CERS6: variants seen among roughly 807,000 people sequenced by gnomAD.
CERS6 encodes LAG1 homolog, ceramide synthase 6.
Under a neutral mutation model 56.8 loss-of-function variants are expected in CERS6, and 26 were observed. The observed-to-expected ratio is 0.46, with a 90% CI of 0.34 to 0.63. The LOEUF is 0.63. Ranked by LOEUF, CERS6 falls within the 30% of genes least tolerant of loss-of-function variation. The pLI is 0.01. For synonymous variants in CERS6, 164 were observed against 173.3 expected (o/e 0.95, Z 0.42); for missense variants, 415 against 467.5 (o/e 0.89, Z 1.04).
intron 4 of CERS6, among the ~76,000 whole-genome samples, chr2:168,655,947 A>G (rs1435821161): frequency 6.6e-6 from 1 of 152,254 alleles, no homozygotes; most frequent in Non-Finnish European, 1.5e-5. Context: ...TTTACTGTCT[A>G]TATGTATCCC....
chr2:168,499,775 G>A (rs16855397), intron 1 of CERS6, among the ~76,000 whole-genome samples: 2,935 of 152,212 alleles, frequency 0.019, 69 homozygotes, highest in African/African-American at 0.051. Flanking sequence ...TCCTAGGGTG[G>A]CCAATAGATT....
At chr2:168,548,199 A>G (rs1695501887) in intron 2 of CERS6, among the ~76,000 whole-genome samples, 2 of 152,228 alleles carry the variant, frequency 1.3e-5, no homozygotes, top group Admixed American at 1.3e-4. Flanking sequence ...CCATGAAGTT[A>G]TGAAGAAGGA....
intron 7 of CERS6, among the ~76,000 whole-genome samples, chr2:168,715,658 A>G (rs879100639): frequency 6.6e-6 from 1 of 152,150 alleles, no homozygotes; most frequent in African/African-American, 2.4e-5. Context: ...TATTGGTTAC[A>G]TATGAATTGG....
chr2:168,463,543 T>C (rs548232840), intron 1 of CERS6, among the ~76,000 whole-genome samples: 1 of 152,314 alleles, frequency 6.6e-6, no homozygotes, highest in South Asian at 2.1e-4. Context: ...GGATACAAAT[T>C]GCCAAATTGT....
At chr2:168,755,070 CA>C (rs1421163357) in intron 8 of CERS6, among the ~76,000 whole-genome samples, 3 of 152,212 alleles carry the variant, frequency 2.0e-5, no homozygotes, top group Non-Finnish European at 4.4e-5. Flanking sequence ...ATGCCCAGCC[CA>C]TGTTCTCTGT....
chr2:168,582,976 T>C (rs1382388045), intron 3 of CERS6: 1 of 154,244 alleles, frequency 6.5e-6, no homozygotes, highest in Non-Finnish European at 1.5e-5. Context: ...AGGTAATAAC[T>C]GACAAACAGA....
chr2:168,753,811 C>A (rs1263633910), intron 8 of CERS6, among the ~76,000 whole-genome samples: 1 of 152,154 alleles, frequency 6.6e-6, no homozygotes, highest in Non-Finnish European at 1.5e-5. Context: ...AGAATCTATA[C>A]ATGTTTAGAA....
At chr2:168,698,445 T>C (rs192057280) in intron 6 of CERS6, among the ~76,000 whole-genome samples, 1 of 152,122 alleles carries the variant, frequency 6.6e-6, no homozygotes, top group African/African-American at 2.4e-5. Context: ...AGGCATGTCT[T>C]ACATGGTGGA....
At position 168,615,153 on chromosome 2, in the gene CERS6, C is replaced by T. The variant is rs1427482571; in HGVS notation, c.408-15832C>T. On this transcript the variant is annotated intron_variant, in intron 3 of 9. Coordinates refer to ENST00000305747, the MANE Select transcript of CERS6 (RefSeq NM_203463.3). ...CAACTTGGCTCTCAGGAAGCCACAT[C>T]CCTAGGAAAAGAGGGAGAGTACTAC... 2.0e-5 allele frequency among the ~76,000 whole-genome samples: 3 copies of T among 152,212 alleles called. No homozygotes were observed. The East Asian group carries it at 5.8e-4, about 29-fold the overall frequency.
At chr2:168,572,999 C>T (rs145466090) in intron 3 of CERS6, among the ~76,000 whole-genome samples, 226 of 152,092 alleles carry the variant, frequency 1.5e-3, no homozygotes, top group African/African-American at 4.9e-3. Flanking sequence ...TCAAATGGTC[C>T]TAGGGAAGAC....
intron 3 of CERS6, among the ~76,000 whole-genome samples, chr2:168,584,579 C>T (rs1160568777): frequency 6.6e-6 from 1 of 152,074 alleles, no homozygotes; most frequent in African/African-American, 2.4e-5. Context: ...CACTGTAGAC[C>T]TTTTCCCTAA....
chr2:168,476,057 A>G (rs1184174615), intron 1 of CERS6, among the ~76,000 whole-genome samples: 2 of 152,234 alleles, frequency 1.3e-5, no homozygotes, highest in East Asian at 3.8e-4. Context: ...ACAAACTAAA[A>G]TAAACTTGTG....
intron 2 of CERS6, among the ~76,000 whole-genome samples, chr2:168,553,935 G>A (rs1695629533): frequency 6.6e-6 from 1 of 152,082 alleles, no homozygotes; most frequent in Admixed American, 6.6e-5. Flanking sequence ...AGTGAAAGCT[G>A]GCAAATCATT....
intron 1 of CERS6, among the ~76,000 whole-genome samples, chr2:168,473,251 ATGTT>A (rs146403046): frequency 2.3e-4 from 35 of 151,478 alleles, no homozygotes; most frequent in South Asian, 4.2e-4. Context: ...CTTTTCACTC[ATGTT>A]TGTTTAAGTT....
chr2:168,557,461 A>T (rs973367308), intron 2 of CERS6, among the ~76,000 whole-genome samples: 1 of 152,204 alleles, frequency 6.6e-6, no homozygotes, highest in African/African-American at 2.4e-5. Context: ...TAGAAAAAGT[A>T]TAAAGATTTC....
chr2:168,567,076 A>C (rs1486960851), intron 3 of CERS6, among the ~76,000 whole-genome samples: 1 of 152,214 alleles, frequency 6.6e-6, no homozygotes, highest in Non-Finnish European at 1.5e-5. Context: ...TGCTGATTAT[A>C]AGTCTGGGGA....
At chr2:168,764,887 A>C (rs1336981911) in intron 8 of CERS6, among the ~76,000 whole-genome samples, 3 of 152,240 alleles carry the variant, frequency 2.0e-5, no homozygotes, top group African/African-American at 4.8e-5. Context: ...TATATGCCCG[A>C]AAGATACATA....
At chr2:168,724,697 G>A (rs930810497) in intron 8 of CERS6, among the ~76,000 whole-genome samples, 14 of 151,936 alleles carry the variant, frequency 9.2e-5, no homozygotes, top group Non-Finnish European at 1.8e-4. Context: ...CAAACCCTGA[G>A]CTAGACACAG....
At chr2:168,525,514 G>A (rs1695054586) in intron 1 of CERS6, among the ~76,000 whole-genome samples, 1 of 152,234 alleles carries the variant, frequency 6.6e-6, no homozygotes, top group Non-Finnish European at 1.5e-5. Context: ...AAATACCAAT[G>A]CTTATGGTTC....
Sources: gnomAD v4.1 joint callset for allele counts (sites outside exome capture counted in the v4.1 genomes callset) on GRCh38, gnomAD v4.1.1 for gene constraint, MANE v1.5 for transcripts, NCBI Gene and HGNC (gene_info 2026-07-23, HGNC 2026-07-21) for gene names.